The following DOCK5 variants were observed in gnomAD, a reference collection of about 807,000 sequenced individuals.
The protein encoded by DOCK5 is dedicator of cytokinesis 5.
Under a neutral mutation model 251.8 loss-of-function variants are expected in DOCK5, and 142 were observed. The observed-to-expected ratio is 0.56, with a 90% confidence interval of 0.49 to 0.65. DOCK5 has a LOEUF of 0.65. Ranked by LOEUF, DOCK5 falls within the 30% of genes least tolerant of loss-of-function variation. The pLI, the probability that DOCK5 is intolerant of heterozygous loss-of-function variation, is 0.00. For missense variants in DOCK5, 2,111 were observed against 2,312.3 expected, an observed-to-expected ratio of 0.91 and a Z score of 1.79; for synonymous variants, 842 against 835.5, an observed-to-expected ratio of 1.01 and a Z score of -0.13.
intron 40 of DOCK5, among the ~76,000 whole-genome samples, chr8:25,386,876 T>A (rs1011091681): frequency 1.3e-5 from 2 of 152,258 alleles, no homozygotes; most frequent in Non-Finnish European, 2.9e-5. Context: ...AGTCTTGGTT[T>A]TCTGATCCGT....
chr8:25,372,774 C>T, intron 35 of DOCK5, 56 bp downstream of exon 35: 1 of 1,539,514 alleles, frequency 6.5e-7, no homozygotes, highest in East Asian at 2.4e-5. Flanking sequence ...CCCCTGCACC[C>T]TACAGCTCAG....
rs144925931 is a variant in DOCK5 at position 25,306,442 on chromosome 8, T to C, written c.1049+2115T>C. Among the ~76,000 whole-genome samples, 1,089 of 152,234 alleles carry C rather than the reference T, an allele frequency of 7.2e-3. 4 individuals are homozygous for C. Among genetic ancestry groups the C allele is most frequent in the Admixed American group, 8.4e-3 (128 of 15,292 alleles). On this transcript the variant is annotated intron_variant, in intron 11 of 51. Transcript: ENST00000276440. ...GAATTTAGGTCCGGGCGCATAGGCT[T>C]ACGCCTGTAATCCCAGCACTTTGGG...
At chr8:25,389,537 T>G (rs1801221527) in intron 41 of DOCK5, among the ~76,000 whole-genome samples, 1 of 152,222 alleles carries the variant, frequency 6.6e-6, no homozygotes, top group Non-Finnish European at 1.5e-5. Flanking sequence ...TGTTGTAGAC[T>G]TTGAGACAGT....
chr8:25,218,772 G>C (rs1463407384), intron 1 of DOCK5, among the ~76,000 whole-genome samples: 1 of 152,194 alleles, frequency 6.6e-6, no homozygotes, highest in Non-Finnish European at 1.5e-5. Flanking sequence ...GGCTCTTCTA[G>C]GGAGAGGCTT....
chr8:25,407,580 A>T (rs559231846), intron 48 of DOCK5, among the ~76,000 whole-genome samples: 1 of 152,282 alleles, frequency 6.6e-6, no homozygotes, highest in South Asian at 2.1e-4. Context: ...GGTCAAGAGT[A>T]GGTTGAGGAG....
At chr8:25,369,759 C>A (rs949509026) in intron 34 of DOCK5, 118 bp downstream of exon 34, 4 of 753,886 alleles carry the variant, frequency 5.3e-6, no homozygotes, top group African/African-American at 1.8e-5. Context: ...AGGGCCACCC[C>A]CACTGTGGTC....
intron 1 of DOCK5, among the ~76,000 whole-genome samples, chr8:25,188,177 T>G (rs1024783808): frequency 1.3e-5 from 2 of 152,138 alleles, no homozygotes; most frequent in African/African-American, 4.8e-5. Flanking sequence ...CCAATATGAG[T>G]TGAATTTTGT....
chr8:25,288,224 A>G (rs2457698), intron 5 of DOCK5, among the ~76,000 whole-genome samples: 101,016 of 151,964 alleles, frequency 0.66, 36,830 homozygotes, highest in Non-Finnish European at 0.83. Flanking sequence ...TTTTCTCTTC[A>G]CCTGTCCTCA....
intron 2 of DOCK5, among the ~76,000 whole-genome samples, chr8:25,267,948 C>G (rs539722255): frequency 6.6e-6 from 1 of 151,886 alleles, no homozygotes; most frequent in African/African-American, 2.4e-5. Flanking sequence ...CTGCAACCTC[C>G]GCCTCCCAGG....
At chr8:25,296,935 ATACATAGAC>A (rs1354848057) in intron 7 of DOCK5, among the ~76,000 whole-genome samples, 1 of 152,196 alleles carries the variant, frequency 6.6e-6, no homozygotes, top group Non-Finnish European at 1.5e-5. Context: ...ATGCTTGCAT[ATACATAGAC>A]TAACTCTGAA....
At position 25,282,127 on chromosome 8, in the gene DOCK5, G is replaced by C. The variant is rs75132289; in HGVS notation, c.321+3462G>C. Among the ~76,000 whole-genome samples, 780 of 152,150 alleles carry C rather than the reference G, an allele frequency of 5.1e-3. 15 individuals carry two copies. The East Asian group carries it at 0.062, about 12-fold the overall frequency. On this transcript the variant is annotated intron_variant, in intron 5 of 51. Coordinates refer to ENST00000276440, the MANE Select transcript of DOCK5 (RefSeq NM_024940.8). ...AGTAAGGAACAATCCACTAAGATTT[G>C]TTATTATGGTTAGTGCAAAAGTAAT... is the stretch of plus-strand genomic sequence containing the variant.
At chr8:25,408,715 C>A in intron 49 of DOCK5, 87 bp from the exon 50 acceptor site, 1 of 1,519,734 alleles carries the variant, frequency 6.6e-7, no homozygotes, top group Non-Finnish European at 9.0e-7. Context: ...TTCCAAGTGT[C>A]TTCTCAGAAG....
At chr8:25,411,059 T>G (rs1000970177) in intron 51 of DOCK5, 135 bp from the exon 52 acceptor site, 1 of 1,201,116 alleles carries the variant, frequency 8.3e-7, no homozygotes, top group Non-Finnish European at 1.1e-6. Context: ...TAGTTTTCCA[T>G]TTCACTTTGC....
intron 13 of DOCK5, among the ~76,000 whole-genome samples, chr8:25,312,915 G>A (rs542554646): frequency 1.3e-5 from 2 of 152,234 alleles, no homozygotes; most frequent in South Asian, 2.1e-4. Flanking sequence ...GGGCAACAGA[G>A]TAAGACTCCA....
intron 40 of DOCK5, among the ~76,000 whole-genome samples, chr8:25,388,602 G>T (rs1801204082): frequency 6.6e-6 from 1 of 152,188 alleles, no homozygotes; most frequent in Non-Finnish European, 1.5e-5. Flanking sequence ...AAGACACATT[G>T]CTTCTCCTCA....
At chr8:25,277,632 T>C (rs1052781425) in intron 4 of DOCK5, among the ~76,000 whole-genome samples, 1 of 152,134 alleles carries the variant, frequency 6.6e-6, no homozygotes, top group Admixed American at 6.5e-5. Context: ...AAGTCCTCTT[T>C]CCGGTGGGCC....
chr8:25,224,041 A>C (rs1802458501), intron 1 of DOCK5, among the ~76,000 whole-genome samples: 2 of 152,200 alleles, frequency 1.3e-5, no homozygotes, highest in Admixed American at 1.3e-4. Flanking sequence ...TGAATGAATG[A>C]GGCATTTTTA....
chr8:25,239,323 G>GTGTGTGTGTGTGTGTA (rs1802882123), intron 1 of DOCK5, among the ~76,000 whole-genome samples: 2 of 127,488 alleles, frequency 1.6e-5, no homozygotes, highest in African/African-American at 6.2e-5. Flanking sequence ...GTGTATATGT[G>GTGTGTGTGTGTGTGTA]TGTGTGTGTG....
intron 1 of DOCK5, among the ~76,000 whole-genome samples, chr8:25,197,080 T>A (rs568048374): frequency 2.0e-5 from 3 of 152,178 alleles, no homozygotes; most frequent in African/African-American, 7.2e-5. Flanking sequence ...TTCCCCTTCC[T>A]CAAACAGGTA....
Sources: allele counts gnomAD v4.1 joint callset (sites outside exome capture counted in the v4.1 genomes callset), GRCh38; gene constraint gnomAD v4.1.1; transcripts MANE v1.5; gene names NCBI Gene and HGNC (gene_info 2026-07-23, HGNC 2026-07-21).